NKAIN2: variants seen among roughly 807,000 people sequenced by gnomAD.
NKAIN2 encodes sodium/potassium transporting ATPase interacting 2.
A neutral mutation model predicts 32.6 loss-of-function variants in NKAIN2; 14 were observed. That is an observed-to-expected ratio of 0.43 (90% CI 0.28 to 0.67). The LOEUF (loss-of-function observed/expected upper bound fraction) is 0.67. Ranked by LOEUF, NKAIN2 falls within the 30% of genes least tolerant of loss-of-function variation. NKAIN2 has a pLI of 0.17. For synonymous variants in NKAIN2, 80 were observed against 87.2 expected, an observed-to-expected ratio of 0.92 and a Z score of 0.46; for missense variants, 198 against 258.3, an observed-to-expected ratio of 0.77 and a Z score of 1.60.
intron 1 of NKAIN2, among the ~76,000 whole-genome samples, chr6:123,830,317 T>A (rs1244131145): frequency 6.6e-6 from 1 of 152,126 alleles, no homozygotes; most frequent in Non-Finnish European, 1.5e-5. Flanking sequence ...TCGCATTATT[T>A]CCCTGCTGTT....
At chr6:124,782,572 T>C (rs1779319460) in intron 4 of NKAIN2, among the ~76,000 whole-genome samples, 1 of 152,160 alleles carries the variant, frequency 6.6e-6, no homozygotes, top group African/African-American at 2.4e-5. Context: ...CATGGATCCT[T>C]CTTTAGCCTT....
chr6:123,857,857 T>A (rs1775616103), intron 1 of NKAIN2, among the ~76,000 whole-genome samples: 1 of 150,586 alleles, frequency 6.6e-6, no homozygotes, highest in Non-Finnish European at 1.5e-5. Context: ...TGTAGTCAGC[T>A]GCCCCATATG....
chr6:123,954,039 G>A (rs1430558087), intron 1 of NKAIN2, among the ~76,000 whole-genome samples: 2 of 152,196 alleles, frequency 1.3e-5, no homozygotes, highest in African/African-American at 2.4e-5. Context: ...CCTGGCAAAG[G>A]TGTCCTATGT....
At chr6:124,461,223 G>A (rs71559996) in intron 3 of NKAIN2, among the ~76,000 whole-genome samples, 3,318 of 151,802 alleles carry the variant, frequency 0.022, 65 homozygotes, top group Non-Finnish European at 0.036. Context: ...GAATGTGCTG[G>A]AAGTATAAAA....
intron 1 of NKAIN2, among the ~76,000 whole-genome samples, chr6:124,067,551 A>G (rs1224504173): frequency 6.6e-6 from 1 of 152,198 alleles, no homozygotes; most frequent in Admixed American, 6.6e-5. Flanking sequence ...CAAATGAAAC[A>G]GAACACAAAA....
intron 3 of NKAIN2, among the ~76,000 whole-genome samples, chr6:124,516,660 T>C (rs1778927144): frequency 6.6e-6 from 1 of 152,166 alleles, no homozygotes. Flanking sequence ...TGTGTGGATA[T>C]GTCTGCATGT....
intron 3 of NKAIN2, among the ~76,000 whole-genome samples, chr6:124,493,972 C>G (rs1166143002): frequency 6.6e-6 from 1 of 152,022 alleles, no homozygotes; most frequent in Non-Finnish European, 1.5e-5. Flanking sequence ...CATTGCCTTT[C>G]CCCTGAGAGC....
chr6:124,803,917 TAATA>T (rs1780391079), intron 5 of NKAIN2, among the ~76,000 whole-genome samples: 1 of 152,248 alleles, frequency 6.6e-6, no homozygotes, highest in Non-Finnish European at 1.5e-5. Context: ...AGTGTATTTT[TAATA>T]TATATACCTC....
intron 3 of NKAIN2, among the ~76,000 whole-genome samples, chr6:124,581,202 G>A (rs1251460620): frequency 6.6e-6 from 1 of 152,124 alleles, no homozygotes; most frequent in Non-Finnish European, 1.5e-5. Flanking sequence ...CACTTTGGGA[G>A]GCCGAGGCGG....
At chr6:124,424,245 G>T (rs974157196) in intron 3 of NKAIN2, among the ~76,000 whole-genome samples, 1 of 152,054 alleles carries the variant, frequency 6.6e-6, no homozygotes, top group Non-Finnish European at 1.5e-5. Flanking sequence ...CGTCTGCTCG[G>T]CCTCCCAAAG....
At chr6:124,090,530 T>G (rs1269574919) in intron 1 of NKAIN2, among the ~76,000 whole-genome samples, 1 of 152,128 alleles carries the variant, frequency 6.6e-6, no homozygotes. Context: ...ATAAGTCAGA[T>G]GAGATGATAA....
rs187656083 is a variant in NKAIN2 at position 124,505,923 on chromosome 6, C to T, written c.273+150576C>T. On this transcript the variant is annotated intron_variant, in intron 3 of 6. Transcript: ENST00000368417. ...GGGCGGTGGCTCAAGCCTGTAATCC[C>T]AGCACTTTGGGAGGCCGAGGCAGGC... 5.7e-4 allele frequency among the ~76,000 whole-genome samples: 87 copies of T among 152,254 alleles called. 1 individual carries two copies. Among genetic ancestry groups the T allele is most frequent in the African/African-American group, 2.0e-3 (85 of 41,554 alleles).
intron 1 of NKAIN2, among the ~76,000 whole-genome samples, chr6:124,016,504 C>G (rs1015704744): frequency 1.3e-5 from 2 of 152,250 alleles, no homozygotes; most frequent in African/African-American, 4.8e-5. Context: ...TTTGAAGAAG[C>G]TAAAATTTTA....
chr6:124,630,814 G>A (rs1000151773), intron 3 of NKAIN2, among the ~76,000 whole-genome samples: 11 of 152,022 alleles, frequency 7.2e-5, no homozygotes, highest in African/African-American at 2.4e-4. Flanking sequence ...TTCAGTCCAC[G>A]CGAAGTAACA....
chr6:124,286,374 T>C (rs1217849917), intron 2 of NKAIN2, among the ~76,000 whole-genome samples: 1 of 152,030 alleles, frequency 6.6e-6, no homozygotes, highest in African/African-American at 2.4e-5. Context: ...AATACCTAGG[T>C]ATAATCAAAT....
At chr6:124,596,552 A>T (rs1277896326) in intron 3 of NKAIN2, among the ~76,000 whole-genome samples, 1 of 152,092 alleles carries the variant, frequency 6.6e-6, no homozygotes, top group Non-Finnish European at 1.5e-5. Flanking sequence ...AGATCAATAG[A>T]GGGCACAGAA....
At chr6:124,043,752 T>C (rs1040953335) in intron 1 of NKAIN2, among the ~76,000 whole-genome samples, 1 of 152,086 alleles carries the variant, frequency 6.6e-6, no homozygotes, top group African/African-American at 2.4e-5. Flanking sequence ...AATGCTCAAC[T>C]CTCAAATCTA....
chr6:124,003,345 C>T (rs949691709), intron 1 of NKAIN2, among the ~76,000 whole-genome samples: 2 of 152,056 alleles, frequency 1.3e-5, no homozygotes, highest in African/African-American at 4.8e-5. Context: ...TATTAGGTAC[C>T]ATACTCTTTC....
chr6:124,795,671 G>A (rs954594426), intron 5 of NKAIN2, among the ~76,000 whole-genome samples: 3 of 152,138 alleles, frequency 2.0e-5, no homozygotes, highest in African/African-American at 7.2e-5. Context: ...GTCCATCAAG[G>A]TACCGGCAGA....
Sources: allele counts gnomAD v4.1 joint callset (sites outside exome capture counted in the v4.1 genomes callset), GRCh38; gene constraint gnomAD v4.1.1; transcripts MANE v1.5; gene names NCBI Gene and HGNC (gene_info 2026-07-23, HGNC 2026-07-21).